Variants in MLLT10 observed in about 807,000 individuals in gnomAD.
The protein encoded by MLLT10 is protein AF-10.
Under a neutral mutation model 129.1 loss-of-function variants are expected in MLLT10, and 30 were observed. That is an observed-to-expected ratio of 0.23 (90% CI 0.17 to 0.32). The LOEUF (loss-of-function observed/expected upper bound fraction) is 0.32, where lower values mean the gene tolerates loss of function less well. Ranked by LOEUF, MLLT10 falls within the 10% of genes least tolerant of loss-of-function variation. The pLI, the probability that MLLT10 is intolerant of heterozygous loss-of-function variation, is 1.00. For synonymous variants in MLLT10, 490 were observed against 446.4 expected (o/e 1.10, Z -1.23); for missense variants, 1,119 against 1,268.3 (o/e 0.88, Z 1.79).
chr10:21,622,407 A>G (rs1394095966), intron 8 of MLLT10, among the ~76,000 whole-genome samples: 1 of 151,402 alleles, frequency 6.6e-6, no homozygotes, highest in Non-Finnish European at 1.5e-5. Context: ...CGTAGAAGCA[A>G]TTCTGCCTTG....
intron 7 of MLLT10, among the ~76,000 whole-genome samples, chr10:21,615,328 A>C (rs2045123418): frequency 6.6e-6 from 1 of 151,662 alleles, no homozygotes; most frequent in South Asian, 2.1e-4. Flanking sequence ...GTGCTGGTGC[A>C]TGCCTGTAAT....
intron 13 of MLLT10, among the ~76,000 whole-genome samples, chr10:21,711,289 G>A (rs1375584226): frequency 4.6e-5 from 7 of 152,112 alleles, no homozygotes; most frequent in Admixed American, 4.6e-4. Flanking sequence ...TGAGTGTGAT[G>A]GCACGTGCCT....
chr10:21,575,120 CTACT>C (rs1185744940), intron 3 of MLLT10, among the ~76,000 whole-genome samples: 3 of 152,002 alleles, frequency 2.0e-5, no homozygotes, highest in African/African-American at 7.2e-5. Context: ...TTTCTTTTTT[CTACT>C]TACTTTGGGT....
At chr10:21,534,615 T>G (rs1293428552) in intron 1 of MLLT10, 30 bp from the exon 2 acceptor site, 1 of 1,593,244 alleles carries the variant, frequency 6.3e-7, no homozygotes, top group African/African-American at 1.4e-5. Flanking sequence ...TTGCATGTGT[T>G]TTTTAATGGT....
At chr10:21,665,036 C>T (rs1412280806) in intron 9 of MLLT10, among the ~76,000 whole-genome samples, 1 of 150,268 alleles carries the variant, frequency 6.7e-6, no homozygotes, top group African/African-American at 2.5e-5. Context: ...ACCTCTGCCT[C>T]CTGGGTTCAA....
intron 14 of MLLT10, among the ~76,000 whole-genome samples, chr10:21,723,551 A>G (rs561403515): frequency 4.6e-4 from 70 of 152,332 alleles, no homozygotes; most frequent in Non-Finnish European, 8.4e-4. Context: ...GTGCTAAGGC[A>G]TCTAGAAGTA....
intron 3 of MLLT10, among the ~76,000 whole-genome samples, chr10:21,573,386 C>A (rs1286540771): frequency 1.3e-5 from 2 of 152,160 alleles, no homozygotes; most frequent in Non-Finnish European, 1.5e-5. Flanking sequence ...TAGTCACAGA[C>A]CCCAAGAGGA....
At chr10:21,627,356 A>G (rs558977905) in intron 8 of MLLT10, among the ~76,000 whole-genome samples, 1 of 152,346 alleles carries the variant, frequency 6.6e-6, no homozygotes, top group African/African-American at 2.4e-5. Flanking sequence ...ATCAAAATCA[A>G]TAAATTAATA....
intron 9 of MLLT10, among the ~76,000 whole-genome samples, chr10:21,652,013 A>G (rs915432891): frequency 4.0e-5 from 6 of 148,474 alleles, no homozygotes; most frequent in Admixed American, 2.1e-4. Flanking sequence ...ACCTGGTTCA[A>G]GTGATTCTTC....
intron 3 of MLLT10, among the ~76,000 whole-genome samples, chr10:21,549,941 G>A (rs2036728361): frequency 6.6e-6 from 1 of 152,110 alleles, no homozygotes; most frequent in Non-Finnish European, 1.5e-5. Context: ...GCCTAGCTCT[G>A]AGTTGTACTC....
intron 21 of MLLT10, chr10:21,738,300 A>T: frequency 1.1e-5 from 9 of 816,092 alleles, no homozygotes; most frequent in Non-Finnish European, 1.5e-5. Flanking sequence ...TGACACTAAG[A>T]TGGGATCTTG....
chr10:21,664,870 A>C (rs1330642971), intron 9 of MLLT10, among the ~76,000 whole-genome samples: 2 of 150,970 alleles, frequency 1.3e-5, no homozygotes, highest in Non-Finnish European at 3.0e-5. Context: ...GATTAGCTTT[A>C]GCTTGATGTT....
chr10:21,551,213 C>G (rs1343226884), intron 3 of MLLT10, among the ~76,000 whole-genome samples: 1 of 151,624 alleles, frequency 6.6e-6, no homozygotes, highest in African/African-American at 2.4e-5. Context: ...GCGTGAGCCA[C>G]CGTGCCCGGC....
At chr10:21,739,157 T>C (rs1340886177) in intron 21 of MLLT10, among the ~76,000 whole-genome samples, 1 of 152,012 alleles carries the variant, frequency 6.6e-6, no homozygotes, top group Non-Finnish European at 1.5e-5. Flanking sequence ...CTCAAAACCT[T>C]CCCGTTTTAC....
intron 5 of MLLT10, among the ~76,000 whole-genome samples, chr10:21,611,322 C>T (rs1286534610): frequency 1.3e-5 from 2 of 151,516 alleles, no homozygotes; most frequent in Non-Finnish European, 2.9e-5. Context: ...CCTAGGTTTT[C>T]AATAGAGGAG....
intron 2 of MLLT10, among the ~76,000 whole-genome samples, chr10:21,536,000 G>GCCAT (rs932953267): frequency 1.3e-5 from 2 of 152,160 alleles, no homozygotes; most frequent in Non-Finnish European, 2.9e-5. Flanking sequence ...GTGCAGTGGT[G>GCCAT]CCATCTCAGC....
At chr10:21,667,015 T>C (rs542738135) in intron 9 of MLLT10, among the ~76,000 whole-genome samples, 5 of 152,332 alleles carry the variant, frequency 3.3e-5, no homozygotes, top group African/African-American at 1.2e-4. Context: ...GTTGGTCTGC[T>C]AGTGATTAGT....
intron 9 of MLLT10, among the ~76,000 whole-genome samples, chr10:21,662,533 G>C (rs1040506713): frequency 6.6e-6 from 1 of 151,796 alleles, no homozygotes; most frequent in African/African-American, 2.4e-5. Flanking sequence ...CTTCATTTCT[G>C]TTTGTTTTTG....
intron 13 of MLLT10, among the ~76,000 whole-genome samples, chr10:21,685,100 T>A (rs2053167287): frequency 6.6e-6 from 1 of 152,190 alleles, no homozygotes; most frequent in East Asian, 1.9e-4. Context: ...CTACTCTTTC[T>A]CTGGACACTT....
Sources: gnomAD v4.1 joint callset for allele counts (sites outside exome capture counted in the v4.1 genomes callset) on GRCh38, gnomAD v4.1.1 for gene constraint, MANE v1.5 for transcripts, NCBI Gene and HGNC (gene_info 2026-07-23, HGNC 2026-07-21) for gene names.